GRIP1: variants seen among roughly 807,000 people sequenced by gnomAD.
GRIP1 encodes glutamate receptor-interacting protein 1.
Under a neutral mutation model 129.9 loss-of-function variants are expected in GRIP1, and 45 were observed. The ratio of observed to expected loss-of-function variants is 0.35; its 90% CI spans 0.27 to 0.44. GRIP1 has a LOEUF of 0.44. Among genes scored for constraint, GRIP1 ranks in the 20% least tolerant of loss-of-function variants. The pLI is 1.00. For synonymous variants in GRIP1, 530 were observed against 520.8 expected (o/e 1.02, Z -0.24); for missense variants, 1,196 against 1,396.8 (o/e 0.86, Z 2.29).
intron 1 of GRIP1, among the ~76,000 whole-genome samples, chr12:66,676,873 A>G (rs973465854): frequency 6.6e-6 from 1 of 152,188 alleles, no homozygotes; most frequent in African/African-American, 2.4e-5. Flanking sequence ...GGGGTGCTAG[A>G]ACTCAATGAA....
intron 1 of GRIP1, among the ~76,000 whole-genome samples, chr12:67,026,675 C>T (rs573974032): frequency 1.3e-5 from 2 of 152,268 alleles, no homozygotes; most frequent in South Asian, 4.2e-4. Flanking sequence ...TTAACATGCC[C>T]TCAAGTGCTG....
chr12:66,812,952 A>G (rs942883550), intron 1 of GRIP1, among the ~76,000 whole-genome samples: 1 of 152,090 alleles, frequency 6.6e-6, no homozygotes, highest in Non-Finnish European at 1.5e-5. Context: ...CTCTAGTGCC[A>G]GGCACTATTC....
intron 1 of GRIP1, among the ~76,000 whole-genome samples, chr12:66,919,337 TATTATA>T (rs1295047735): frequency 2.6e-5 from 4 of 152,098 alleles, no homozygotes; most frequent in African/African-American, 9.7e-5. Context: ...GAGCTAAGAT[TATTATA>T]CTCCTTAGGG....
At chr12:66,756,975 G>A (rs961486037) in intron 1 of GRIP1, among the ~76,000 whole-genome samples, 1 of 152,142 alleles carries the variant, frequency 6.6e-6, no homozygotes, top group Non-Finnish European at 1.5e-5. Context: ...TGAGTACAGA[G>A]TAGGTGTATA....
chr12:66,793,953 G>C (rs945323666), intron 1 of GRIP1, among the ~76,000 whole-genome samples: 2 of 152,170 alleles, frequency 1.3e-5, no homozygotes, highest in African/African-American at 4.8e-5. Flanking sequence ...ACGAAGCATA[G>C]GGCCTAGCAT....
intron 1 of GRIP1, among the ~76,000 whole-genome samples, chr12:66,868,022 C>G (rs1050830835): frequency 6.6e-6 from 1 of 151,998 alleles, no homozygotes; most frequent in Non-Finnish European, 1.5e-5. Context: ...TGGGAAGTAA[C>G]GATTGATAAA....
intron 2 of GRIP1, among the ~76,000 whole-genome samples, chr12:66,578,941 G>C (rs1259202780): frequency 6.6e-6 from 1 of 152,130 alleles, no homozygotes; most frequent in Non-Finnish European, 1.5e-5. Flanking sequence ...ATCTGAGAAC[G>C]GGCAGACTGC....
intron 1 of GRIP1, among the ~76,000 whole-genome samples, chr12:66,727,575 T>C (rs1397909454): frequency 6.6e-6 from 1 of 152,166 alleles, no homozygotes; most frequent in African/African-American, 2.4e-5. Flanking sequence ...TTGTAAGTGC[T>C]GAGATTTTGG....
chr12:66,765,880 G>C (rs780442004), intron 1 of GRIP1, among the ~76,000 whole-genome samples: 2 of 152,162 alleles, frequency 1.3e-5, no homozygotes, highest in Non-Finnish European at 2.9e-5. Context: ...GGAAGAAGAT[G>C]GGAGGAGAAT....
intron 1 of GRIP1, among the ~76,000 whole-genome samples, chr12:66,901,643 A>C (rs561495388): frequency 1.8e-3 from 270 of 152,338 alleles, no homozygotes; most frequent in Non-Finnish European, 3.1e-3. Context: ...TAGCCTTAAT[A>C]AACTTGGATT....
intron 2 of GRIP1, among the ~76,000 whole-genome samples, chr12:66,589,545 T>C (rs532018829): frequency 6.6e-6 from 1 of 152,208 alleles, no homozygotes; most frequent in South Asian, 2.1e-4. Flanking sequence ...TAAATATTGA[T>C]GGATGCAAGA....
At chr12:66,468,790 G>T (rs985039791) in intron 7 of GRIP1, among the ~76,000 whole-genome samples, 2 of 151,700 alleles carry the variant, frequency 1.3e-5, no homozygotes, top group African/African-American at 2.4e-5. Context: ...CTGGTAGAAA[G>T]AAATGATAGG....
chr12:66,420,851 T>C (rs1057315869), intron 14 of GRIP1, 62 bp from the exon 15 acceptor site: 6 of 907,230 alleles, frequency 6.6e-6, no homozygotes, highest in Non-Finnish European at 9.3e-6. Context: ...TTACTGTACA[T>C]TTCCCCTGTT....
At chr12:66,852,651 T>C in intron 1 of GRIP1, among the ~76,000 whole-genome samples, 1 of 151,554 alleles carries the variant, frequency 6.6e-6, no homozygotes, top group Non-Finnish European at 1.5e-5. Context: ...TTCAAATCAG[T>C]ATAAATTTAC....
chr12:66,434,034 C>A (rs887603717), intron 13 of GRIP1, among the ~76,000 whole-genome samples: 3 of 152,108 alleles, frequency 2.0e-5, no homozygotes, highest in Non-Finnish European at 4.4e-5. Flanking sequence ...CTTTGTTTGG[C>A]CTTGAATTGC....
intron 7 of GRIP1, among the ~76,000 whole-genome samples, chr12:66,472,725 G>C (rs1472908551): frequency 6.6e-6 from 1 of 152,140 alleles, no homozygotes; most frequent in Non-Finnish European, 1.5e-5. Context: ...ACAAGGGGTT[G>C]GGGAACTCCC....
chr12:66,802,124 T>A (rs1328422447), intron 1 of GRIP1, among the ~76,000 whole-genome samples: 1 of 152,084 alleles, frequency 6.6e-6, no homozygotes. Context: ...AGTCATTGTA[T>A]TATATGACTT....
chr12:66,371,568 T>C (rs2055497679), intron 23 of GRIP1, 126 bp downstream of exon 23: 1 of 738,228 alleles, frequency 1.4e-6, no homozygotes, highest in African/African-American at 1.7e-5. Flanking sequence ...GAAGATCTGT[T>C]TTTAAGCTTC....
intron 1 of GRIP1, among the ~76,000 whole-genome samples, chr12:66,700,162 G>A (rs1019300479): frequency 5.9e-5 from 9 of 152,250 alleles, no homozygotes; most frequent in East Asian, 1.9e-4. Context: ...ATAAACAAAC[G>A]TTAGGAAAAT....
Sources: gnomAD v4.1 joint callset for allele counts (sites outside exome capture counted in the v4.1 genomes callset) on GRCh38, gnomAD v4.1.1 for gene constraint, MANE v1.5 for transcripts, NCBI Gene and HGNC (gene_info 2026-07-23, HGNC 2026-07-21) for gene names.